KIFAP3: variants seen among roughly 807,000 people sequenced by gnomAD.
KIFAP3 encodes kinesin-associated protein 3.
KIFAP3 carries 68 observed loss-of-function variants against 106.5 expected under a neutral mutation model. The observed-to-expected ratio is 0.64, with a 90% CI of 0.53 to 0.78. The LOEUF (loss-of-function observed/expected upper bound fraction) is 0.78, where lower values mean the gene tolerates loss of function less well. Ranked by LOEUF, KIFAP3 falls within the 30% of genes least tolerant of loss-of-function variation. KIFAP3 has a pLI of 0.00. For missense variants in KIFAP3, 780 were observed against 941.8 expected, an observed-to-expected ratio of 0.83 and a Z score of 2.25; for synonymous variants, 320 against 311.5, an observed-to-expected ratio of 1.03 and a Z score of -0.29.
intron 3 of KIFAP3, among the ~76,000 whole-genome samples, chr1:170,040,805 C>T (rs1669935006): frequency 7.5e-6 from 1 of 133,210 alleles, no homozygotes; most frequent in Non-Finnish European, 1.8e-5. Context: ...TGATTAGAAG[C>T]AATCATGTTC....
chr1:169,927,615 T>C (rs1010543488), intron 19 of KIFAP3, among the ~76,000 whole-genome samples: 3 of 152,190 alleles, frequency 2.0e-5, no homozygotes, highest in African/African-American at 4.8e-5. Flanking sequence ...TAGTATTGTA[T>C]CTGACATGGA....
chr1:170,039,115 G>A (rs1669836860), intron 4 of KIFAP3, 118 bp downstream of exon 4: 3 of 512,858 alleles, frequency 5.8e-6, no homozygotes, highest in South Asian at 4.4e-5. Flanking sequence ...GTACCTCTGA[G>A]TTCAGTCATT....
chr1:170,081,106 G>A (rs898777341), intron 1 of KIFAP3, among the ~76,000 whole-genome samples: 3 of 152,096 alleles, frequency 2.0e-5, no homozygotes, highest in Non-Finnish European at 4.4e-5. Flanking sequence ...ATTAAGAAAT[G>A]AAATGGTAAG....
At chr1:169,993,418 G>C (rs915527861) in intron 10 of KIFAP3, among the ~76,000 whole-genome samples, 1 of 151,460 alleles carries the variant, frequency 6.6e-6, no homozygotes, top group Non-Finnish European at 1.5e-5. Flanking sequence ...CCCTAAACTG[G>C]TATTTTCACA....
At chr1:170,034,345 G>A (rs201462590) in intron 7 of KIFAP3, 27 bp downstream of exon 7, 6 of 1,588,376 alleles carry the variant, frequency 3.8e-6, no homozygotes, top group East Asian at 4.5e-5. Context: ...GACAACAGAC[G>A]GTTCAAATGC....
intron 2 of KIFAP3, among the ~76,000 whole-genome samples, chr1:170,049,440 T>G: frequency 6.6e-6 from 1 of 152,170 alleles, no homozygotes; most frequent in Admixed American, 6.5e-5. Context: ...TGAGAGCAGC[T>G]GATCCTGACA....
chr1:169,941,679 G>C lies in KIFAP3; in HGVS notation c.2273+12332C>G, dbSNP rs1664128041. 2.6e-5 allele frequency among the ~76,000 whole-genome samples: 4 copies of C among 151,926 alleles called. No homozygotes were observed. In the South Asian group the frequency reaches 8.3e-4, roughly 32 times the overall value. On this transcript the variant is annotated intron_variant, in intron 19 of 19. Transcript: ENST00000361580. ...TATACAATAAAATATATTTATCAATGACTATCACCCAAGATGGCCCCCTGA... is the reference window on the plus strand; with the variant it reads ...TATACAATAAAATATATTTATCAATCACTATCACCCAAGATGGCCCCCTGA...
chr1:170,028,252 A>G (rs1019251558), intron 8 of KIFAP3, among the ~76,000 whole-genome samples: 2 of 152,128 alleles, frequency 1.3e-5, no homozygotes, highest in Non-Finnish European at 2.9e-5. Context: ...AAGGAAATAT[A>G]TAAGATTATT....
chr1:169,931,210 G>A (rs954087309), intron 19 of KIFAP3, among the ~76,000 whole-genome samples: 9 of 152,072 alleles, frequency 5.9e-5, no homozygotes, highest in Admixed American at 1.3e-4. Context: ...GTAAGCCACC[G>A]TGTCTGACCC....
chr1:170,057,773 A>G (rs1009659839), intron 1 of KIFAP3, among the ~76,000 whole-genome samples: 1 of 152,086 alleles, frequency 6.6e-6, no homozygotes, highest in Admixed American at 6.6e-5. Context: ...GATGAAAAAA[A>G]TTTGAGCCAT....
At chr1:170,066,512 G>C (rs939781902) in intron 1 of KIFAP3, among the ~76,000 whole-genome samples, 1 of 152,052 alleles carries the variant, frequency 6.6e-6, no homozygotes, top group Admixed American at 6.5e-5. Flanking sequence ...GGCCATAAGA[G>C]AACTAAAAAG....
At chr1:170,051,159 GAA>G (rs796560973) in intron 2 of KIFAP3, among the ~76,000 whole-genome samples, 9 of 113,916 alleles carry the variant, frequency 7.9e-5, no homozygotes, top group African/African-American at 9.7e-5. Flanking sequence ...CAAGCAAATG[GAA>G]AAAAAAAAAA....
At chr1:170,024,326 G>A (rs528145541) in intron 9 of KIFAP3, 92 bp downstream of exon 9, 27 of 707,742 alleles carry the variant, frequency 3.8e-5, no homozygotes, top group South Asian at 2.9e-4. Context: ...GAATTATCTC[G>A]GTAGGGGAAT....
chr1:170,079,344 T>G (rs901290631), upstream of KIFAP3, among the ~76,000 whole-genome samples: 25 of 152,292 alleles, frequency 1.6e-4, no homozygotes, highest in Non-Finnish European at 3.4e-4. Flanking sequence ...CCCCTACTTC[T>G]TGTACAGCCT....
At chr1:169,997,442 C>T (rs1417732568) in intron 10 of KIFAP3, among the ~76,000 whole-genome samples, 2 of 152,074 alleles carry the variant, frequency 1.3e-5, no homozygotes, top group Non-Finnish European at 2.9e-5. Flanking sequence ...ATCCTCAAGA[C>T]TTGAACTGTA....
chr1:170,080,906 T>G (rs972231011), intron 1 of KIFAP3, among the ~76,000 whole-genome samples: 1 of 152,192 alleles, frequency 6.6e-6, no homozygotes, highest in African/African-American at 2.4e-5. Context: ...TTGAATGAAG[T>G]GTAGAAACTG....
intron 19 of KIFAP3, among the ~76,000 whole-genome samples, chr1:169,938,612 C>G (rs1663935362): frequency 6.6e-6 from 1 of 152,082 alleles, no homozygotes; most frequent in South Asian, 2.1e-4. Context: ...TATTGAGAAC[C>G]TAGTGGTGCC....
intron 18 of KIFAP3, 51 bp downstream of exon 18, chr1:169,960,995 A>G (rs774116528): frequency 2.1e-6 from 3 of 1,448,766 alleles, no homozygotes; most frequent in Non-Finnish European, 1.9e-6. Context: ...GCCGACTAAA[A>G]TCTCTATTCA....
At chr1:170,060,367 AC>A (rs1671076873) in intron 1 of KIFAP3, among the ~76,000 whole-genome samples, 1 of 152,214 alleles carries the variant, frequency 6.6e-6, no homozygotes, top group Non-Finnish European at 1.5e-5. Flanking sequence ...TACACCAATA[AC>A]AGACAAACAG....
Sources: gnomAD v4.1 joint callset for allele counts (sites outside exome capture counted in the v4.1 genomes callset) on GRCh38, gnomAD v4.1.1 for gene constraint, MANE v1.5 for transcripts, NCBI Gene and HGNC (gene_info 2026-07-23, HGNC 2026-07-21) for gene names.